Variants in KCNB2 observed in about 807,000 individuals in gnomAD.
KCNB2 encodes the protein potassium voltage-gated channel subfamily B member 2.
In KCNB2, 15 loss-of-function variants were observed where a neutral mutation model predicts 61.5. The observed-to-expected ratio is 0.24, with a 90% CI of 0.16 to 0.38. The LOEUF (loss-of-function observed/expected upper bound fraction) is 0.38. Ranked by LOEUF, KCNB2 falls within the 10% of genes least tolerant of loss-of-function variation. The pLI is 1.00. For synonymous variants in KCNB2, 457 were observed against 446.0 expected (o/e 1.02, Z -0.31); for missense variants, 828 against 1,125.2 (o/e 0.74, Z 3.78).
chr8:72,854,106 A>G (rs1284495806), intron 2 of KCNB2, among the ~76,000 whole-genome samples: 1 of 152,134 alleles, frequency 6.6e-6, no homozygotes, highest in Non-Finnish European at 1.5e-5. Flanking sequence ...TATTTATGGG[A>G]TATTATTTAC....
At chr8:72,765,608 A>G (rs1360982167) in intron 2 of KCNB2, among the ~76,000 whole-genome samples, 1 of 152,254 alleles carries the variant, frequency 6.6e-6, no homozygotes, top group Non-Finnish European at 1.5e-5. Flanking sequence ...AGTCACTTTC[A>G]AGATGATTGG....
chr8:72,911,481 G>C (rs903826672), intron 2 of KCNB2, among the ~76,000 whole-genome samples: 2 of 152,202 alleles, frequency 1.3e-5, no homozygotes, highest in Non-Finnish European at 2.9e-5. Flanking sequence ...GCATTGAACA[G>C]ATAAGGGAAG....
chr8:72,793,903 G>T (rs902578587), intron 2 of KCNB2, among the ~76,000 whole-genome samples: 2 of 152,170 alleles, frequency 1.3e-5, no homozygotes, highest in South Asian at 2.1e-4. Context: ...TTCAACATTT[G>T]ATTTCTCTAG....
chr8:72,587,257 A>G lies in KCNB2; in HGVS notation c.579+18944A>G, dbSNP rs561936738. On this transcript the variant is annotated intron_variant, in intron 2 of 2. Coordinates refer to ENST00000523207, the MANE Select transcript of KCNB2 (RefSeq NM_004770.3). Reference sequence around the variant, plus strand: ...TAACAATCCACTTGTCAGCCTATCCACCTCCCGAGACTGAAAGCTTCTTGA... The same window carrying G: ...TAACAATCCACTTGTCAGCCTATCCGCCTCCCGAGACTGAAAGCTTCTTGA... Among the ~76,000 whole-genome samples the G allele has an allele frequency of 4.0e-4, 61 of 151,886 alleles. 1 individual carries two copies. The highest frequency in any genetic ancestry group is 8.1e-4 in the Non-Finnish European group (55 of 67,964).
At chr8:72,828,867 GTTTGCAAATACCGCCTTGTAT>G (rs796352620) in intron 2 of KCNB2, among the ~76,000 whole-genome samples, 114 of 152,262 alleles carry the variant, frequency 7.5e-4, no homozygotes, top group African/African-American at 2.6e-3. Context: ...ATTTTTGACA[GTTTGCAAATACCGCCTTGTAT>G]TTCTGATTCA....
rs117429552 is a variant in KCNB2 at position 72,642,196 on chromosome 8, T to C, written c.579+73883T>C. On this transcript the variant is annotated intron_variant, in intron 2 of 2. Coordinates refer to ENST00000523207, the MANE Select transcript of KCNB2 (RefSeq NM_004770.3). ...CTGCCAGCATAGAATACACAGCTGA[T>C]TTTAGAAACTTAATGTAAAAGGAGA... Among the ~76,000 whole-genome samples the C allele has an allele frequency of 9.6e-3, 1,456 of 152,248 alleles. 10 individuals carry two copies. Among genetic ancestry groups the C allele is most frequent in the Middle Eastern group, 0.017 (5 of 294 alleles).
chr8:72,672,823 TCATG>T (rs2128988314), intron 2 of KCNB2, among the ~76,000 whole-genome samples: 1 of 152,302 alleles, frequency 6.6e-6, no homozygotes, highest in East Asian at 1.9e-4. Context: ...ATAACTTATA[TCATG>T]CATGCTGTTA....
intron 1 of KCNB2, among the ~76,000 whole-genome samples, chr8:72,553,067 A>C (rs1267559759): frequency 1.3e-5 from 2 of 152,158 alleles, no homozygotes; most frequent in Non-Finnish European, 2.9e-5. Context: ...ACAACAAAAA[A>C]ATTTAAAAAA....
intron 2 of KCNB2, among the ~76,000 whole-genome samples, chr8:72,821,666 A>C (rs1809514322): frequency 6.8e-6 from 1 of 148,070 alleles, no homozygotes; most frequent in Non-Finnish European, 1.5e-5. Flanking sequence ...AAAAACACAC[A>C]CACACCAAGC....
intron 2 of KCNB2, among the ~76,000 whole-genome samples, chr8:72,806,767 G>T (rs1008504740): frequency 6.6e-6 from 1 of 152,174 alleles, no homozygotes; most frequent in African/African-American, 2.4e-5. Context: ...ACAGGTAGTG[G>T]ACAAGGATGG....
chr8:72,561,733 A>ACG (rs1358289138), intron 1 of KCNB2, among the ~76,000 whole-genome samples: 5 of 18,492 alleles, frequency 2.7e-4, no homozygotes, highest in East Asian at 5.3e-3. Context: ...ATATATCTAT[A>ACG]TCTATATATA....
At chr8:72,761,602 C>T (rs1377935090) in intron 2 of KCNB2, among the ~76,000 whole-genome samples, 1 of 152,176 alleles carries the variant, frequency 6.6e-6, no homozygotes. Flanking sequence ...CTTCAGCTGT[C>T]AGCACTAGAA....
intron 1 of KCNB2, among the ~76,000 whole-genome samples, chr8:72,561,728 T>TATATA (rs1563523404): frequency 1.2e-4 from 1 of 8,098 alleles, no homozygotes; most frequent in African/African-American, 1.1e-3. Context: ...TATATATATA[T>TATATA]CTATATCTAT....
At chr8:72,898,451 G>GA (rs373942673) in intron 2 of KCNB2, among the ~76,000 whole-genome samples, 329 of 149,480 alleles carry the variant, frequency 2.2e-3, no homozygotes, top group African/African-American at 7.4e-3. Flanking sequence ...TTTAAAAAAA[G>GA]AAAAAAAAAC....
At chr8:72,756,412 G>A (rs1215725352) in intron 2 of KCNB2, among the ~76,000 whole-genome samples, 1 of 152,196 alleles carries the variant, frequency 6.6e-6, no homozygotes, top group Non-Finnish European at 1.5e-5. Flanking sequence ...ATGTGACAGA[G>A]GTAGTGCAAA....
intron 2 of KCNB2, among the ~76,000 whole-genome samples, chr8:72,671,344 T>G (rs1240057187): frequency 1.3e-5 from 2 of 152,236 alleles, no homozygotes; most frequent in Non-Finnish European, 1.5e-5. Flanking sequence ...TGTTGTAAGT[T>G]AATAATGTTG....
rs1701394603 is a variant in KCNB2, at chr8:72,937,215, G to A, written c.1860G>A (p.Pro620=). ...ACTTCACAGAGACAGAGAGATCGCCGCTGCCGCCGCCCTCCGCCTCTCACT... is the reference window on the plus strand; with the variant it reads ...ACTTCACAGAGACAGAGAGATCGCCACTGCCGCCGCCCTCCGCCTCTCACT... ...ATDFTETERS[P]LPPPSASHLQ... is the part of the protein sequence containing the mutation. Residue 620 remains proline (P), a synonymous_variant, in exon 3 of 3, where the codon CCG becomes CCA. Coordinates refer to ENST00000523207, the MANE Select transcript of KCNB2 (RefSeq NM_004770.3). 3.1e-6 allele frequency: 5 copies of A among 1,613,862 alleles called. No homozygotes were observed. The South Asian group carries it at 3.3e-5, about 11-fold the overall frequency.
chr8:72,937,849 A>G lies in KCNB2; in HGVS notation c.2494A>G (p.Asn832Asp), dbSNP rs778227212. Residue 832 changes from asparagine (N) to aspartate (D), a missense_variant, in exon 3 of 3, where the codon AAT becomes GAT. Transcript: ENST00000523207. ...GGAGAAGCAGGTGGACTCCAGCCCA[A>G]ATTGCTTTGCAGATAAGCCTAGTGA... is the stretch of plus-strand genomic sequence containing the variant. ...REEKQVDSSP[N>D]CFADKPSDGR... 3.5e-5 allele frequency: 57 copies of G among 1,613,902 alleles called. No homozygotes were observed. The South Asian group carries it at 5.9e-4, about 17-fold the overall frequency.
At chr8:72,671,679 G>C (rs1185666153) in intron 2 of KCNB2, among the ~76,000 whole-genome samples, 1 of 152,052 alleles carries the variant, frequency 6.6e-6, no homozygotes, top group African/African-American at 2.4e-5. Flanking sequence ...ACTTCAAAAG[G>C]TGTAGTGTAT....
Sources: allele counts gnomAD v4.1 joint callset (sites outside exome capture counted in the v4.1 genomes callset), GRCh38; gene constraint gnomAD v4.1.1; transcripts MANE v1.5; gene names NCBI Gene and HGNC (gene_info 2026-07-23, HGNC 2026-07-21).